Variants in TMC2 observed in about 807,000 individuals in gnomAD.
TMC2 encodes the protein transmembrane channel like 2.
In TMC2, 102 loss-of-function variants were observed where a neutral mutation model predicts 105.9. That is an observed-to-expected ratio of 0.96 (90% CI 0.82 to 1.14). The LOEUF is 1.14. TMC2 is among the 50% of genes most tolerant of loss of function. The pLI, the probability that TMC2 is intolerant of heterozygous loss-of-function variation, is 0.00. For missense variants in TMC2, 1,093 were observed against 1,134.3 expected (o/e 0.96, Z 0.52); for synonymous variants, 402 against 422.8 (o/e 0.95, Z 0.60).
chr20:2,585,307 C>T (rs1438026320), intron 7 of TMC2, among the ~76,000 whole-genome samples: 1 of 152,178 alleles, frequency 6.6e-6, no homozygotes, highest in East Asian at 1.9e-4. Context: ...ATAAAACATT[C>T]ACTTTCAGGT....
At chr20:2,552,701 A>C (rs1008423915) in intron 2 of TMC2, among the ~76,000 whole-genome samples, 2 of 152,098 alleles carry the variant, frequency 1.3e-5, no homozygotes, top group African/African-American at 2.4e-5. Flanking sequence ...TTTTTAGTAG[A>C]GACGGGGTTT....
intron 17 of TMC2, among the ~76,000 whole-genome samples, chr20:2,630,215 T>C (rs959460955): frequency 2.0e-5 from 3 of 152,206 alleles, no homozygotes; most frequent in African/African-American, 4.8e-5. Flanking sequence ...TTGCATTGGA[T>C]AGAACTTTTA....
At position 2,579,961 on chromosome 20, in the gene TMC2, T is replaced by A; in HGVS notation, c.739T>A (p.Ser247Thr). ...TTTTCTCTCTCTAGGTCACTTTGGT[T>A]CTTCAGTGGCATCGTATTTCATCTT... ...KIKDIESHFG[S>T]SVASYFIFLR... The change falls in exon 7 of 20, where the codon TCT (serine) becomes ACT (threonine). Residue 247 changes from serine (S) to threonine (T), a missense_variant. Physicochemically the swap from Ser to Thr is moderately conservative, Grantham distance 58. Transcript: ENST00000358864. The A allele has an allele frequency of 1.2e-6, 2 of 1,613,744 alleles. No individual in the cohort carries two copies. Among genetic ancestry groups the A allele is most frequent in the Non-Finnish European group, 1.7e-6 (2 of 1,179,666 alleles).
chr20:2,596,711 A>ATT (rs72481862), intron 9 of TMC2, among the ~76,000 whole-genome samples: 5 of 68,698 alleles, frequency 7.3e-5, no homozygotes, highest in Non-Finnish European at 1.8e-4. Flanking sequence ...TCAGAAAAAA[A>ATT]TATATATGTG....
chr20:2,579,891 C>A, intron 6 of TMC2, 59 bp from the exon 7 acceptor site: 1 of 1,081,490 alleles, frequency 9.2e-7, no homozygotes, highest in Non-Finnish European at 1.4e-6. Flanking sequence ...ATAAAGTGCT[C>A]AATAGTGTCC....
intron 17 of TMC2, among the ~76,000 whole-genome samples, chr20:2,633,396 TC>T (rs1751321686): frequency 6.6e-6 from 1 of 152,234 alleles, no homozygotes; most frequent in Non-Finnish European, 1.5e-5. Context: ...CAGGAATATT[TC>T]AAAGTGTTTT....
chr20:2,579,134 C>T lies in TMC2; in HGVS notation c.646-12C>T. On this transcript the variant is annotated splice_polypyrimidine_tract_variant and intron_variant, in intron 5 of 19. Transcript: ENST00000358864. ...TGTTAAGGAACTGAGAGTTTTACGT[C>T]TTTTATTTCAGAAATGGGTCAAATT... is the stretch of plus-strand genomic sequence containing the variant. 3.3e-6 allele frequency: 5 copies of T among 1,502,538 alleles called. No individual in the cohort carries two copies. Among genetic ancestry groups the T allele is most frequent in the Non-Finnish European group, 4.6e-6 (5 of 1,079,146 alleles). The allele number at this position is 1,502,538 out of a possible 1,614,324, so 93.1% of individuals were successfully genotyped here. A position where few individuals can be genotyped will look rare whatever the true frequency, so the allele number is the denominator to read the frequency against.
At chr20:2,621,084 C>T (rs1305238230) in intron 16 of TMC2, among the ~76,000 whole-genome samples, 3 of 152,122 alleles carry the variant, frequency 2.0e-5, no homozygotes, top group East Asian at 1.9e-4. Context: ...GGAGGGAGGC[C>T]GGGTGCAGTG....
At chr20:2,604,436 T>A (rs1160265756) in intron 11 of TMC2, among the ~76,000 whole-genome samples, 1 of 152,190 alleles carries the variant, frequency 6.6e-6, no homozygotes, top group East Asian at 1.9e-4. Context: ...TGACTCTATT[T>A]TGAGACATTA....
chr20:2,567,695 G>A (rs866251591), intron 4 of TMC2, among the ~76,000 whole-genome samples: 8 of 152,036 alleles, frequency 5.3e-5, no homozygotes, highest in South Asian at 2.1e-4. Context: ...CACCTTGCCC[G>A]ACAAAGGTTT....
intron 5 of TMC2, among the ~76,000 whole-genome samples, chr20:2,576,900 GT>G (rs796520290): frequency 0.018 from 2,078 of 118,580 alleles, 56 homozygotes; most frequent in African/African-American, 0.068. Context: ...TTTCTTCTTG[GT>G]TTTTTTTTTT....
intron 14 of TMC2, among the ~76,000 whole-genome samples, chr20:2,615,809 T>C (rs1311296061): frequency 1.3e-5 from 2 of 152,234 alleles, no homozygotes; most frequent in Non-Finnish European, 2.9e-5. Context: ...AAAACGTTGA[T>C]AAAATGTTCT....
chr20:2,589,269 C>CGTGTGT (rs764448789), intron 7 of TMC2, among the ~76,000 whole-genome samples: 8,033 of 84,574 alleles, frequency 0.095, 750 homozygotes, highest in Middle Eastern at 0.18. Context: ...TCCTATTTGC[C>CGTGTGT]CTGTGTGTGT....
rs146755005 is a variant in TMC2 at position 2,579,228 on chromosome 20, G to A, written c.727+1G>A. ...GAAATGAAGATCAAGGACATTGAAA[G>A]TGAGTATGCTGGTGTCACTGTTTTT... On this transcript the variant is annotated splice_donor_variant, in intron 6 of 19. Transcript: ENST00000358864. LOFTEE classifies it high-confidence loss of function. The A allele has an allele frequency of 3.9e-5, 61 of 1,567,898 alleles. No individual in the cohort carries two copies. In the African/African-American group the frequency reaches 7.3e-4, roughly 19 times the overall value.
chr20:2,635,907 G>A lies in TMC2; in HGVS notation c.2307-19G>A, dbSNP rs2086638894. The A allele has an allele frequency of 6.2e-7, 1 of 1,606,880 alleles. No homozygotes were observed. The highest frequency in any genetic ancestry group is 2.2e-5 in the East Asian group (1 of 44,828). The stretch of plus-strand genomic sequence containing the variant: ...TGCCAAGATCACGGGACCATAGGAG[G>A]CATGCTTTTCTCTTGCAGCTTGGCC... On this transcript the variant is annotated intron_variant, in intron 17 of 19. Coordinates refer to ENST00000358864, the MANE Select transcript of TMC2 (RefSeq NM_080751.3).
intron 10 of TMC2, among the ~76,000 whole-genome samples, chr20:2,598,730 C>T (rs1180476356): frequency 6.6e-6 from 1 of 151,912 alleles, no homozygotes; most frequent in Admixed American, 6.6e-5. Context: ...TTAAAATCAC[C>T]ATTTATTTTC....
At chr20:2,543,100 G>A (rs527411854) in intron 2 of TMC2, among the ~76,000 whole-genome samples, 110 of 152,018 alleles carry the variant, frequency 7.2e-4, no homozygotes, top group Admixed American at 1.6e-3. Flanking sequence ...AGTCAGGCAA[G>A]GTGGCATACA....
In TMC2 at chr20:2,592,479, G is replaced by A; in HGVS notation, c.933+71G>A. 9.7e-7 allele frequency: 1 copy of A among 1,031,738 alleles called. No homozygotes were observed. The highest frequency in any genetic ancestry group is 1.5e-6 in the Non-Finnish European group (1 of 652,430). 63.9% of individuals were successfully genotyped at this position (1,031,738 alleles called of 1,614,324 possible). On this transcript the variant is annotated intron_variant, in intron 8 of 19. Coordinates refer to ENST00000358864, the MANE Select transcript of TMC2 (RefSeq NM_080751.3). This position sits in a 1 kb window ranked among gnomAD's most constrained non-coding sequence, Gnocchi z 4.9. ...GGCTAAAGATTGCATGGATAAGTAT[G>A]AAATAGTGCGTTTAATTATTGAAAA...
chr20:2,537,264 T>C lies in TMC2; in HGVS notation c.35-5T>C, dbSNP rs1203708043. 1 of 1,600,918 alleles carries C rather than the reference T, an allele frequency of 6.2e-7. No individual in the cohort carries two copies. Among genetic ancestry groups the C allele is most frequent in the Non-Finnish European group, 8.5e-7 (1 of 1,173,826 alleles). On this transcript the variant is annotated splice_region_variant and splice_polypyrimidine_tract_variant and intron_variant, in intron 1 of 19. Coordinates refer to ENST00000358864, the MANE Select transcript of TMC2 (RefSeq NM_080751.3). ...GCCATTTGTCAGCAATCCTGTCTCTTACAGCACGAGGCGGAGTGAAAGGGC... is the reference window on the plus strand; with the variant it reads ...GCCATTTGTCAGCAATCCTGTCTCTCACAGCACGAGGCGGAGTGAAAGGGC...
Sources: gnomAD v4.1 joint callset for allele counts (sites outside exome capture counted in the v4.1 genomes callset) on GRCh38, gnomAD v4.1.1 for gene constraint, Gnocchi (gnomAD v3.1) non-coding constraint, MANE v1.5 for transcripts, NCBI Gene and HGNC (gene_info 2026-07-23, HGNC 2026-07-21) for gene names.